Variants in PCDHA1 observed in about 807,000 individuals in gnomAD.
The protein encoded by PCDHA1 is protocadherin alpha 1.
Under a neutral mutation model 61.3 loss-of-function variants are expected in PCDHA1, and 42 were observed. The ratio of observed to expected loss-of-function variants is 0.69; its 90% CI spans 0.54 to 0.89. PCDHA1 has a LOEUF of 0.89. Among genes scored for constraint, PCDHA1 ranks in the 40% least tolerant of loss-of-function variants. The pLI is 0.00. For synonymous variants in PCDHA1, 610 were observed against 553.8 expected (o/e 1.10, Z -1.43); for missense variants, 1,256 against 1,235.3 (o/e 1.02, Z -0.25).
At chr5:140,989,829 C>A (rs1554251113) in intron 3 of PCDHA1, among the ~76,000 whole-genome samples, 3 of 152,124 alleles carry the variant, frequency 2.0e-5, no homozygotes, top group Non-Finnish European at 2.9e-5. Context: ...TGCCAGGAAG[C>A]CTGTCAATGA....
chr5:140,871,393 C>T (rs782354799), intron 1 of PCDHA1: 1 of 1,614,130 alleles, frequency 6.2e-7, no homozygotes, highest in Non-Finnish European at 8.5e-7. Context: ...GGAGGGCCCA[C>T]CTAAGACGGA....
intron 1 of PCDHA1, among the ~76,000 whole-genome samples, chr5:140,917,244 C>T (rs891511496): frequency 1.9e-4 from 29 of 149,864 alleles, no homozygotes; most frequent in Non-Finnish European, 3.0e-4. Flanking sequence ...CTAGGTACTA[C>T]GATTGCTCAC....
chr5:140,836,217 C>T, intron 1 of PCDHA1: 1 of 1,613,820 alleles, frequency 6.2e-7, no homozygotes, highest in Non-Finnish European at 8.5e-7. Flanking sequence ...GTATGAGTTG[C>T]AACCGGTGGC....
At chr5:140,932,734 C>G (rs1295804671) in intron 1 of PCDHA1, among the ~76,000 whole-genome samples, 2 of 151,588 alleles carry the variant, frequency 1.3e-5, no homozygotes, top group Non-Finnish European at 1.5e-5. Context: ...AATATAGACC[C>G]TCAAATCAGT....
rs1311377754 is a variant in PCDHA1 at position 140,847,747 on chromosome 5, G to C, written c.2394+59063G>C. 1.3e-5 allele frequency: 2 copies of C among 149,564 alleles called. 1 individual carries two copies. The highest frequency in any genetic ancestry group is 3.0e-5 in the Non-Finnish European group (2 of 66,834). 9.3% of individuals were successfully genotyped at this position (149,564 alleles called of 1,614,324 possible). ...AGAGAAAAATATATTTTCTCCCCAC[G>C]CAACACAAGACCTTAAAGTCAATTC... On this transcript the variant is annotated intron_variant, in intron 1 of 3. Coordinates refer to ENST00000504120, the MANE Select transcript of PCDHA1 (RefSeq NM_018900.4).
intron 1 of PCDHA1, chr5:140,856,389 A>G (rs1554148624): frequency 6.3e-7 from 1 of 1,598,440 alleles, no homozygotes; most frequent in African/African-American, 1.3e-5. Context: ...AGGCCGCTGC[A>G]GGTTTTCCAT....
At chr5:140,951,034 A>G (rs1407307131) in intron 1 of PCDHA1, among the ~76,000 whole-genome samples, 1 of 151,932 alleles carries the variant, frequency 6.6e-6, no homozygotes, top group African/African-American at 2.4e-5. Context: ...TTAATTTCAA[A>G]TATTATATTT....
intron 1 of PCDHA1, chr5:140,849,828 G>A (rs2150452288): frequency 2.5e-6 from 4 of 1,598,564 alleles, no homozygotes; most frequent in East Asian, 2.2e-5. Flanking sequence ...GTCTGTGGAG[G>A]TGGCCGACGT....
chr5:141,005,936 G>A (rs1233031842), intron 3 of PCDHA1, among the ~76,000 whole-genome samples: 1 of 151,890 alleles, frequency 6.6e-6, no homozygotes, highest in African/African-American at 2.4e-5. Context: ...GACAGAGTGA[G>A]AACCTATCTC....
At chr5:140,927,854 C>T (rs1047804872) in intron 1 of PCDHA1, 1 of 1,614,222 alleles carries the variant, frequency 6.2e-7, no homozygotes, top group South Asian at 1.1e-5. Flanking sequence ...TTTGGTTTAG[C>T]TAGCACCGCT....
At chr5:140,887,459 G>T (rs532781133) in intron 1 of PCDHA1, among the ~76,000 whole-genome samples, 4 of 152,126 alleles carry the variant, frequency 2.6e-5, no homozygotes, top group Non-Finnish European at 5.9e-5. Flanking sequence ...TTTTTTAAAA[G>T]ATATAATTCA....
chr5:140,925,082 A>AAAGG (rs138596875), intron 1 of PCDHA1, among the ~76,000 whole-genome samples: 24,812 of 147,244 alleles, frequency 0.17, 2,350 homozygotes, highest in African/African-American at 0.25. Context: ...GCTCATCTGG[A>AAAGG]AAGGAAGGAA....
chr5:140,932,430 G>A (rs1563132683), intron 1 of PCDHA1, among the ~76,000 whole-genome samples: 1 of 151,794 alleles, frequency 6.6e-6, no homozygotes, highest in East Asian at 1.9e-4. Context: ...TGTTCACCTG[G>A]AATTAAAGCA....
At chr5:141,001,522 C>G (rs1554258201) in intron 3 of PCDHA1, among the ~76,000 whole-genome samples, 1 of 152,214 alleles carries the variant, frequency 6.6e-6, no homozygotes, top group African/African-American at 2.4e-5. Context: ...TTCTCCCTCT[C>G]TCTCTGATCC....
chr5:140,869,287 C>T, intron 1 of PCDHA1: 1 of 1,613,538 alleles, frequency 6.2e-7, no homozygotes, highest in Non-Finnish European at 8.5e-7. Context: ...GCTGGTGCAG[C>T]GCCTGTTCCG....
rs781970935 is a variant in PCDHA1 at position 140,982,505 on chromosome 5, A to G, written c.2484A>G (p.Leu828=). The change falls in exon 3 of 4, where the codon CTA becomes CTG. Residue 828 remains leucine (L), a synonymous_variant. Coordinates refer to ENST00000504120, the MANE Select transcript of PCDHA1 (RefSeq NM_018900.4). ...TGCACCTAGAGGAGGCTGGCATTCT[A>G]CGGGCTGGTCCAGGAGGGCCTGATC... ...SSVHLEEAGI[L]RAGPGGPDQQ... The G allele has an allele frequency of 1.2e-6, 2 of 1,614,220 alleles. No homozygotes were observed. The highest frequency in any genetic ancestry group is 8.5e-7 in the Non-Finnish European group (1 of 1,180,032).
intron 1 of PCDHA1, chr5:140,966,700 G>T: frequency 7.3e-7 from 1 of 1,365,440 alleles, no homozygotes; most frequent in Non-Finnish European, 9.4e-7. Context: ...GGGCCCGGGC[G>T]TGGGGCACGG....
chr5:140,835,749 G>C, intron 1 of PCDHA1: 1 of 1,613,432 alleles, frequency 6.2e-7, no homozygotes. Context: ...CCCGGCGTTC[G>C]CGCAGCCCGA....
At chr5:140,822,164 C>T (rs2150114205) in intron 1 of PCDHA1, 3 of 1,614,200 alleles carry the variant, frequency 1.9e-6, no homozygotes, top group East Asian at 4.5e-5. Context: ...GACAATCCGC[C>T]CAGGTTCTCC....
Sources: allele counts gnomAD v4.1 joint callset (sites outside exome capture counted in the v4.1 genomes callset), GRCh38; gene constraint gnomAD v4.1.1; transcripts MANE v1.5; gene names NCBI Gene and HGNC (gene_info 2026-07-23, HGNC 2026-07-21).